ABR: variants seen among roughly 807,000 people sequenced by gnomAD.
ABR encodes the protein active breakpoint cluster region-related protein.
In ABR, 35 loss-of-function variants were observed where a neutral mutation model predicts 107.2. The ratio of observed to expected loss-of-function variants is 0.33; its 90% CI spans 0.25 to 0.43. The LOEUF (loss-of-function observed/expected upper bound fraction) is 0.43, where lower values mean the gene tolerates loss of function less well. Ranked by LOEUF, ABR falls within the 20% of genes least tolerant of loss-of-function variation. The pLI is 1.00. For missense variants in ABR, 815 were observed against 1,115.2 expected (o/e 0.73, Z 3.83); for synonymous variants, 498 against 462.0 (o/e 1.08, Z -1.00).
chr17:1,201,395 C>T (rs766329556), intron 1 of ABR, among the ~76,000 whole-genome samples: 2 of 152,116 alleles, frequency 1.3e-5, no homozygotes, highest in Non-Finnish European at 2.9e-5. Flanking sequence ...GAAGACACCC[C>T]GCACAGCGCC....
chr17:1,190,994 G>A (rs2042418930), upstream of ABR, among the ~76,000 whole-genome samples: 1 of 152,220 alleles, frequency 6.6e-6, no homozygotes, highest in Admixed American at 6.5e-5. Flanking sequence ...CTGACAGACA[G>A]GGCTTGGGCA....
intron 16 of ABR, among the ~76,000 whole-genome samples, chr17:1,016,180 T>C (rs764879321): frequency 4.6e-5 from 7 of 152,336 alleles, no homozygotes; most frequent in South Asian, 4.1e-4. Context: ...TGAAAATTAC[T>C]TGAAATGATC....
At chr17:1,143,723 G>C (rs1470929885) in intron 1 of ABR, among the ~76,000 whole-genome samples, 1 of 152,116 alleles carries the variant, frequency 6.6e-6, no homozygotes, top group African/African-American at 2.4e-5. Context: ...TAGCCGCCTG[G>C]AGAAGTGGCC....
In ABR at chr17:1,151,826, C is replaced by T. The variant is rs562812292; in HGVS notation, c.62-26459G>A. ...CAATAGAAAGACAGGACATCCATCC[C>T]GGCTAACACGAGGAAACTCCGTCTC... On this transcript the variant is annotated intron_variant, in intron 1 of 22. Coordinates refer to ENST00000302538, the MANE Select transcript of ABR (RefSeq NM_021962.5). 3.4e-4 allele frequency among the ~76,000 whole-genome samples: 52 copies of T among 152,290 alleles called. 1 individual carries two copies. The highest frequency in any genetic ancestry group is 1.2e-3 in the African/African-American group (49 of 41,554).
At position 1,050,193 on chromosome 17, in the gene ABR, T is replaced by C. The variant is rs893441455; in HGVS notation, c.1660-12A>G. The C allele has an allele frequency of 8.1e-6, 13 of 1,610,006 alleles. No individual in the cohort carries two copies. Among genetic ancestry groups the C allele is most frequent in the East Asian group, 4.5e-5 (2 of 44,880 alleles). ...TCGATCTCAAACTCCTGGGGAAAGA[T>C]GGGACAAAGGGCCCTGAACCTCCGA... On this transcript the variant is annotated splice_polypyrimidine_tract_variant and intron_variant, in intron 15 of 22. Coordinates refer to ENST00000302538, the MANE Select transcript of ABR (RefSeq NM_021962.5). The surrounding 1 kb of genome is among the most constrained non-coding windows in gnomAD (Gnocchi z 4.6).
intron 4 of ABR, chr17:1,083,831 C>A: frequency 5.5e-6 from 3 of 549,518 alleles, no homozygotes; most frequent in Non-Finnish European, 9.9e-6. Flanking sequence ...CCAGCTCAGC[C>A]AATAAGGTTA....
chr17:1,183,160 G>A (rs560694802), upstream of ABR, among the ~76,000 whole-genome samples: 21 of 152,308 alleles, frequency 1.4e-4, no homozygotes, highest in South Asian at 8.3e-4. Context: ...GTGGCAGACA[G>A]ACCTTCCTGA....
chr17:1,061,344 C>T (rs934068018), intron 10 of ABR, among the ~76,000 whole-genome samples: 1 of 152,186 alleles, frequency 6.6e-6, no homozygotes, highest in Non-Finnish European at 1.5e-5. Flanking sequence ...AGGAGGGGGA[C>T]AGCTGTGCTG....
chr17:1,142,206 C>T (rs1338803368), intron 1 of ABR, among the ~76,000 whole-genome samples: 1 of 152,082 alleles, frequency 6.6e-6, no homozygotes, highest in African/African-American at 2.4e-5. Context: ...TTAAAAGCTC[C>T]CCAGGTGACT....
At chr17:1,093,856 C>A (rs1379391842) in intron 3 of ABR, among the ~76,000 whole-genome samples, 1 of 152,230 alleles carries the variant, frequency 6.6e-6, no homozygotes, top group Admixed American at 6.5e-5. Flanking sequence ...TCTACTCAGA[C>A]ACCCAGATGG....
chr17:1,135,985 T>C (rs1234361732), intron 1 of ABR, among the ~76,000 whole-genome samples: 2 of 151,998 alleles, frequency 1.3e-5, no homozygotes, highest in South Asian at 2.1e-4. Flanking sequence ...CTGTGAAGAA[T>C]ACCATTGTTT....
chr17:1,040,092 T>C (rs61254280), intron 16 of ABR, among the ~76,000 whole-genome samples: 2,677 of 152,222 alleles, frequency 0.018, 51 homozygotes, highest in African/African-American at 0.044. Flanking sequence ...GGACCCACGT[T>C]ACCGGCCGTC....
Position 1,196,972 on chromosome 17 carries a change from G to A in ABR, c.838+31821C>T, listed in dbSNP as rs554504834. Among the ~76,000 whole-genome samples, 328 of 151,886 alleles carry A rather than the reference G, an allele frequency of 2.2e-3. 2 individuals are homozygous for A. Among genetic ancestry groups the A allele is most frequent in the Non-Finnish European group, 3.5e-3 (235 of 68,028 alleles). ...GCCTCCCAAAGTGCTGGGATGACAG[G>A]CGTGAGCCACCGCACCCGGCCAAGA... On this transcript the variant is annotated intron_variant, in intron 1 of 22. Transcript: ENST00000574139.
rs1567672326 is a variant in ABR, at chr17:1,058,837, C to G, written c.1213G>C (p.Glu405Gln). 1 of 1,614,128 alleles carries G rather than the reference C, an allele frequency of 6.2e-7. No homozygotes were observed. The highest frequency in any genetic ancestry group is 1.3e-5 in the African/African-American group (1 of 75,028). ...TCAAACATCTTCTTCTTCAGGCGCT[C>G]GATGGCCCGGCTCTGGCCTTTGTTG... ...KANKGQSRAI[E>Q]RLKKKMFENE... is the part of the protein sequence containing the mutation. Residue 405 changes from glutamate to glutamine, a missense_variant, in exon 11 of 23, where the codon GAG (glutamate) becomes CAG (glutamine). Physicochemically the swap from Glu to Gln is conservative, Grantham distance 29. Coordinates refer to ENST00000302538, the MANE Select transcript of ABR (RefSeq NM_021962.5).
chr17:1,032,660 G>GCAGAGGACGCCACGGGCAACCA (rs1473480086), intron 16 of ABR, among the ~76,000 whole-genome samples: 11 of 149,178 alleles, frequency 7.4e-5, no homozygotes, highest in African/African-American at 1.2e-4. Context: ...CGTGCTGGGC[G>GCAGAGGACGCCACGGGCAACCA]CCTTGAGAGA....
Position 1,091,806 on chromosome 17 carries a change from C to T in ABR, c.390G>A (p.Val130=), listed in dbSNP as rs778975385. 38 of 1,613,872 alleles carry T rather than the reference C, an allele frequency of 2.4e-5. No homozygotes were observed. The highest frequency in any genetic ancestry group is 3.1e-5 in the Non-Finnish European group (36 of 1,179,966). The change falls in exon 4 of 23, where the codon GTG becomes GTA. Residue 130 remains valine, a synonymous_variant. Transcript: ENST00000302538. ...LKATATTSQP[V]LTIQQIETIF... ...TGGTCTCGATCTGCTGGATGGTGAG[C>T]ACGGGCTGGGAGGTGGTGGCGGTGG... is the stretch of plus-strand genomic sequence containing the variant.
At chr17:1,075,120 G>A (rs909101586) in intron 6 of ABR, among the ~76,000 whole-genome samples, 4 of 152,244 alleles carry the variant, frequency 2.6e-5, no homozygotes, top group Non-Finnish European at 5.9e-5. Context: ...CGGACACCAA[G>A]TGAGGATGGC....
At position 1,179,733 on chromosome 17, in the gene ABR, G is replaced by C. The variant is rs774598028; in HGVS notation, c.-6C>G. 4 of 1,531,618 alleles carry C rather than the reference G, an allele frequency of 2.6e-6. No individual in the cohort carries two copies. Among genetic ancestry groups the C allele is most frequent in the Non-Finnish European group, 3.5e-6 (4 of 1,138,588 alleles). The allele number at this position is 1,531,618 out of a possible 1,614,324, so 94.9% of individuals were successfully genotyped here. A position where few individuals can be genotyped will look rare whatever the true frequency, so the allele number is the denominator to read the frequency against. Reference sequence around the variant, plus strand: ...CGGTGGCTGAGCGGCTCCATCCCGCGGCGGCGGCTCGGTCAGATCCGAAAC... The same window carrying C: ...CGGTGGCTGAGCGGCTCCATCCCGCCGCGGCGGCTCGGTCAGATCCGAAAC... On this transcript the variant is annotated 5_prime_UTR_variant, in exon 1 of 23. Transcript: ENST00000302538. This position sits in a 1 kb window ranked among gnomAD's most constrained non-coding sequence, Gnocchi z 4.9.
At chr17:1,057,168 T>C in intron 12 of ABR, 66 bp from the exon 13 acceptor site, 1 of 1,089,842 alleles carries the variant, frequency 9.2e-7, no homozygotes, top group South Asian at 1.3e-5. Context: ...TGCTCTTCCC[T>C]GGGGGCTGCT....
Sources: gnomAD v4.1 joint callset for allele counts (sites outside exome capture counted in the v4.1 genomes callset) on GRCh38, gnomAD v4.1.1 for gene constraint, Gnocchi (gnomAD v3.1) non-coding constraint, MANE v1.5 for transcripts, NCBI Gene and HGNC (gene_info 2026-07-23, HGNC 2026-07-21) for gene names.